The following XRCC4 variants were observed in gnomAD, a reference collection of about 807,000 sequenced individuals.
XRCC4 encodes DNA repair protein XRCC4.
In XRCC4, 28 loss-of-function variants were observed where a neutral mutation model predicts 39.1. The ratio of observed to expected loss-of-function variants is 0.72; its 90% CI spans 0.53 to 0.98. The LOEUF is 0.98. XRCC4 is among the 50% of genes least tolerant of loss of function. XRCC4 has a pLI of 0.00. For missense variants in XRCC4, 350 were observed against 376.4 expected (o/e 0.93, Z 0.58); for synonymous variants, 123 against 126.4 (o/e 0.97, Z 0.18).
the XRCC4 span, among the ~76,000 whole-genome samples, chr5:83,374,431 A>G: frequency 6.6e-6 from 1 of 152,186 alleles, no homozygotes; most frequent in Non-Finnish European, 1.5e-5. Context: ...CCTCGGCCAC[A>G]TGGAACCCTG....
At chr5:83,247,963 T>C (rs1234247085) in intron 6 of XRCC4, among the ~76,000 whole-genome samples, 1 of 152,056 alleles carries the variant, frequency 6.6e-6, no homozygotes, top group Non-Finnish European at 1.5e-5. Context: ...TATACTGCAG[T>C]AATAACAGTA....
intron 3 of XRCC4, among the ~76,000 whole-genome samples, chr5:83,176,830 C>G (rs1413618108): frequency 6.6e-6 from 1 of 152,036 alleles, no homozygotes; most frequent in Non-Finnish European, 1.5e-5. Context: ...CCATGTTGGC[C>G]AGGCTGGTCT....
chr5:83,288,895 T>C (rs557916174), intron 7 of XRCC4, among the ~76,000 whole-genome samples: 1 of 152,032 alleles, frequency 6.6e-6, no homozygotes, highest in South Asian at 2.1e-4. Flanking sequence ...TTTTTCTTCT[T>C]CTGGTATTCT....
chr5:83,093,928 A>G lies in XRCC4; in HGVS notation c.-10-10982A>G, dbSNP rs2112327659. The stretch of plus-strand genomic sequence containing the variant: ...CCCATCCCCCGAGCAGTTTGAATAT[A>G]TCAGCCCACTCTCTCCTGGTCTGGG... On this transcript the variant is annotated intron_variant, in intron 1 of 7. Coordinates refer to ENST00000396027, the MANE Select transcript of XRCC4 (RefSeq NM_003401.5). 2.0e-5 allele frequency among the ~76,000 whole-genome samples: 3 copies of G among 152,224 alleles called. No individual in the cohort carries two copies. The South Asian group carries it at 6.2e-4, about 32-fold the overall frequency.
chr5:83,195,724 A>G (rs1438412983), intron 3 of XRCC4, 46 bp from the exon 4 acceptor site: 1 of 1,502,646 alleles, frequency 6.7e-7, no homozygotes, highest in African/African-American at 1.4e-5. Flanking sequence ...AGGCTTCTCA[A>G]TCTTGATATT....
At chr5:83,242,674 T>C (rs1348574740) in intron 6 of XRCC4, among the ~76,000 whole-genome samples, 1 of 152,164 alleles carries the variant, frequency 6.6e-6, no homozygotes, top group Non-Finnish European at 1.5e-5. Context: ...ATTTCTAATG[T>C]ATATATAATC....
At chr5:83,089,109 C>A (rs752798408) in intron 1 of XRCC4, among the ~76,000 whole-genome samples, 1 of 152,184 alleles carries the variant, frequency 6.6e-6, no homozygotes, top group African/African-American at 2.4e-5. Flanking sequence ...TCAGACACTA[C>A]CCTTGTAGAA....
At chr5:83,366,541 T>A in the XRCC4 span, among the ~76,000 whole-genome samples, 7 of 152,176 alleles carry the variant, frequency 4.6e-5, no homozygotes, top group African/African-American at 1.7e-4. Flanking sequence ...AGATGTTGGA[T>A]TCATATTCCT....
At chr5:83,254,310 A>G (rs1289193351) in intron 6 of XRCC4, among the ~76,000 whole-genome samples, 1 of 151,882 alleles carries the variant, frequency 6.6e-6, no homozygotes, top group Non-Finnish European at 1.5e-5. Flanking sequence ...TACTCCTTCC[A>G]TTTCTTTTCT....
intron 7 of XRCC4, among the ~76,000 whole-genome samples, chr5:83,337,468 C>G (rs2112187973): frequency 6.6e-6 from 1 of 152,244 alleles, no homozygotes; most frequent in South Asian, 2.1e-4. Flanking sequence ...TGTTATATGT[C>G]AGACTACCTG....
At chr5:83,353,104 C>G (rs1757126331) in intron 7 of XRCC4, 27 bp from the exon 8 acceptor site, 1 of 1,532,410 alleles carries the variant, frequency 6.5e-7, no homozygotes, top group South Asian at 1.2e-5. Context: ...AAAAATAAAA[C>G]TATTTTGATT....
At chr5:83,363,065 T>G in the XRCC4 span, among the ~76,000 whole-genome samples, 2 of 152,188 alleles carry the variant, frequency 1.3e-5, no homozygotes, top group African/African-American at 4.8e-5. Flanking sequence ...ACAATCAAGA[T>G]ACGTGGTAAG....
chr5:83,302,069 C>T (rs1165645528), intron 7 of XRCC4, among the ~76,000 whole-genome samples: 3 of 152,076 alleles, frequency 2.0e-5, no homozygotes, highest in Admixed American at 6.5e-5. Context: ...CTACTAAGCT[C>T]GAGCGTCCCA....
chr5:83,257,724 A>G (rs10073973), intron 6 of XRCC4, among the ~76,000 whole-genome samples: 12,621 of 152,238 alleles, frequency 0.083, 793 homozygotes, highest in African/African-American at 0.17. Flanking sequence ...TCTACTATAA[A>G]GACATATGCA....
At chr5:83,086,236 C>A (rs1017794) in intron 1 of XRCC4, among the ~76,000 whole-genome samples, 75,276 of 151,904 alleles carry the variant, frequency 0.5, 19,584 homozygotes, top group African/African-American at 0.65. Context: ...ATAGAGTTGA[C>A]CCTTGAACAA....
rs369641536 is a variant in XRCC4 at position 83,195,816 on chromosome 5, A to G, written c.362A>G (p.Glu121Gly). 1.2e-6 allele frequency: 2 copies of G among 1,610,790 alleles called. No individual in the cohort carries two copies. The highest frequency in any genetic ancestry group is 1.7e-6 in the Non-Finnish European group (2 of 1,178,040). Residue 121 changes from glutamate (E) to glycine (G), a missense_variant, in exon 4 of 8, where the codon GAA becomes GGA. By Grantham distance (98) the Glu-to-Gly change is moderately conservative (BLOSUM62 -2). Coordinates refer to ENST00000396027, the MANE Select transcript of XRCC4 (RefSeq NM_003401.5). The part of the protein sequence containing the change: ...FNLEKVENPA[E>G]VIRELICYCL... ...CTAGAGAAAGTTGAAAACCCAGCTG[A>G]AGTCATTAGAGAACTTATTTGTTAT...
chr5:83,110,383 A>G (rs1051292619), intron 2 of XRCC4, among the ~76,000 whole-genome samples: 1 of 152,082 alleles, frequency 6.6e-6, no homozygotes, highest in African/African-American at 2.4e-5. Context: ...AATTGAAAAT[A>G]TAATTATTGA....
At chr5:83,140,553 T>C (rs1007571559) in intron 3 of XRCC4, among the ~76,000 whole-genome samples, 1 of 152,218 alleles carries the variant, frequency 6.6e-6, no homozygotes, top group African/African-American at 2.4e-5. Flanking sequence ...AGATACAATA[T>C]TTTGCCAGCT....
chr5:83,371,552 A>T, the XRCC4 span, among the ~76,000 whole-genome samples: 1 of 152,166 alleles, frequency 6.6e-6, no homozygotes, highest in Non-Finnish European at 1.5e-5. Flanking sequence ...AGAGTGAGGG[A>T]GCTGAGGATG....
Sources: gnomAD v4.1 joint callset for allele counts (sites outside exome capture counted in the v4.1 genomes callset) on GRCh38, gnomAD v4.1.1 for gene constraint, MANE v1.5 for transcripts, NCBI Gene and HGNC (gene_info 2026-07-23, HGNC 2026-07-21) for gene names.